The following KCNK13 variants were observed in gnomAD, a reference collection of about 807,000 sequenced individuals.
KCNK13 encodes the protein potassium channel subfamily K member 13.
KCNK13 carries 12 observed loss-of-function variants against 23.4 expected under a neutral mutation model. The observed-to-expected ratio is 0.51, with a 90% CI of 0.33 to 0.83. The LOEUF (loss-of-function observed/expected upper bound fraction) is 0.83. KCNK13 is among the 40% of genes least tolerant of loss of function. KCNK13 has a pLI of 0.02. For synonymous variants in KCNK13, 231 were observed against 229.5 expected, an observed-to-expected ratio of 1.01 and a Z score of -0.06; for missense variants, 463 against 556.3, an observed-to-expected ratio of 0.83 and a Z score of 1.69.
intron 1 of KCNK13, among the ~76,000 whole-genome samples, chr14:90,136,587 T>C (rs1426361607): frequency 2.0e-5 from 3 of 152,094 alleles, no homozygotes; most frequent in Admixed American, 1.3e-4. Flanking sequence ...ATACCCATGA[T>C]AGTTATTATT....
intron 1 of KCNK13, among the ~76,000 whole-genome samples, chr14:90,097,591 A>G (rs1288318939): frequency 6.6e-6 from 1 of 152,108 alleles, no homozygotes. Context: ...ATAGCCAAAC[A>G]ATAGCACCAG....
At chr14:90,128,622 C>T (rs770165460) in intron 1 of KCNK13, among the ~76,000 whole-genome samples, 10 of 152,150 alleles carry the variant, frequency 6.6e-5, no homozygotes, top group Non-Finnish European at 1.5e-4. Flanking sequence ...ATCCTCTGTG[C>T]GTTTCAGCCT....
intron 1 of KCNK13, among the ~76,000 whole-genome samples, chr14:90,137,829 C>T (rs1200915639): frequency 6.6e-6 from 1 of 152,198 alleles, no homozygotes; most frequent in East Asian, 1.9e-4. Flanking sequence ...AAGTTGCTTA[C>T]ACACACGATT....
At chr14:90,139,847 A>G (rs60746529) in intron 1 of KCNK13, among the ~76,000 whole-genome samples, 24,604 of 152,124 alleles carry the variant, frequency 0.16, 2,271 homozygotes, top group South Asian at 0.29. Flanking sequence ...CTGTAGTCCC[A>G]CCTACTCGGG....
chr14:90,137,469 C>A (rs1030923525), intron 1 of KCNK13, among the ~76,000 whole-genome samples: 1 of 152,068 alleles, frequency 6.6e-6, no homozygotes, highest in East Asian at 1.9e-4. Context: ...TACAGGCGCC[C>A]GCCAACACGG....
chr14:90,175,451 G>A (rs1439968908), intron 1 of KCNK13, among the ~76,000 whole-genome samples: 4 of 152,294 alleles, frequency 2.6e-5, no homozygotes, highest in African/African-American at 9.6e-5. Context: ...ATTGGAGGCT[G>A]TTCCTTAAAA....
chr14:90,066,326 A>T (rs1889008830), intron 1 of KCNK13, among the ~76,000 whole-genome samples: 1 of 150,982 alleles, frequency 6.6e-6, no homozygotes, highest in African/African-American at 2.4e-5. Context: ...GTGCAGTGGC[A>T]TGAGCTTGGT....
At chr14:90,064,586 T>C (rs991423381) in intron 1 of KCNK13, among the ~76,000 whole-genome samples, 12 of 152,200 alleles carry the variant, frequency 7.9e-5, no homozygotes, top group African/African-American at 2.9e-4. Flanking sequence ...TTTTCTCATC[T>C]GAGGCATCTA....
Position 90,164,614 on chromosome 14 carries a change from A to G in KCNK13, c.335-19497A>G, listed in dbSNP as rs141558987. Among the ~76,000 whole-genome samples, 1,002 of 152,358 alleles carry G rather than the reference A, an allele frequency of 6.6e-3. 12 individuals carry two copies. Among genetic ancestry groups the G allele is most frequent in the Admixed American group, 0.041 (632 of 15,300 alleles). On this transcript the variant is annotated intron_variant, in intron 1 of 1. Transcript: ENST00000282146. ...TTTCTTGGAGTTTGTAGGTTAATGC[A>G]GTATACCTAGTGGTTCAGTAGTACC...
At chr14:90,127,607 G>C (rs1448620638) in intron 1 of KCNK13, among the ~76,000 whole-genome samples, 2 of 149,382 alleles carry the variant, frequency 1.3e-5, no homozygotes, top group South Asian at 4.2e-4. Flanking sequence ...GAATCCAGGA[G>C]TTTGAGACCA....
chr14:90,085,814 A>G (rs9743747), intron 1 of KCNK13, among the ~76,000 whole-genome samples: 1 of 18,032 alleles, frequency 5.5e-5, no homozygotes, highest in Non-Finnish European at 9.5e-5. Flanking sequence ...ATATTATATT[A>G]TATATTATAT....
chr14:90,105,540 C>T (rs1366436209), intron 1 of KCNK13, among the ~76,000 whole-genome samples: 26 of 152,158 alleles, frequency 1.7e-4, no homozygotes, highest in Non-Finnish European at 3.8e-4. Flanking sequence ...GTACCACCAA[C>T]CCTGTGGCCC....
intron 1 of KCNK13, among the ~76,000 whole-genome samples, chr14:90,181,594 G>A (rs565160318): frequency 2.6e-5 from 4 of 152,316 alleles, no homozygotes; most frequent in African/African-American, 9.6e-5. Context: ...GCCCAGACAT[G>A]TAGTGAGGGC....
At chr14:90,074,903 C>T (rs1889117420) in intron 1 of KCNK13, among the ~76,000 whole-genome samples, 1 of 152,136 alleles carries the variant, frequency 6.6e-6, no homozygotes, top group Non-Finnish European at 1.5e-5. Flanking sequence ...ATGCTAATAC[C>T]TATTTTTAAA....
rs192923832 is a variant in KCNK13, at chr14:90,084,417, C to T, written c.334+21878C>T. Among the ~76,000 whole-genome samples the T allele has an allele frequency of 3.7e-3, 568 of 152,112 alleles. 6 individuals are homozygous for T. The highest frequency in any genetic ancestry group is 0.013 in the African/African-American group (534 of 41,504). On this transcript the variant is annotated intron_variant, in intron 1 of 1. Coordinates refer to ENST00000282146, the MANE Select transcript of KCNK13 (RefSeq NM_022054.4). ...ATCCTATTGCAAATGAAATGGTTTTCTTGATTTTATTTTGAATTGTTTATT... is the reference window on the plus strand; with the variant it reads ...ATCCTATTGCAAATGAAATGGTTTTTTTGATTTTATTTTGAATTGTTTATT...
chr14:90,164,748 G>A (rs1890284521), intron 1 of KCNK13, among the ~76,000 whole-genome samples: 1 of 152,052 alleles, frequency 6.6e-6, no homozygotes, highest in South Asian at 2.1e-4. Flanking sequence ...TGTATCCCTG[G>A]GCCATGCTTT....
rs755045774 is a variant in KCNK13, at chr14:90,184,631, G to A, written c.855G>A (p.Gln285=). ...ATGTCATCTCTATCCTCATCAAACA[G>A]TCCTTGAACTGGATCCTGAGGAAAA... The part of the protein sequence containing the change: ...LFNVISILIK[Q]SLNWILRKMD... The change falls in exon 2 of 2, where the codon CAG becomes CAA. Residue 285 remains glutamine, a synonymous_variant. Transcript: ENST00000282146. This position sits in a 1 kb window ranked among gnomAD's most constrained non-coding sequence, Gnocchi z 5.6. The A allele has an allele frequency of 3.4e-5, 55 of 1,614,120 alleles. No homozygotes were observed. In the East Asian group the frequency reaches 1.2e-3, roughly 35 times the overall value.
chr14:90,098,095 T>A (rs1182885415), intron 1 of KCNK13, among the ~76,000 whole-genome samples: 1 of 152,152 alleles, frequency 6.6e-6, no homozygotes, highest in Non-Finnish European at 1.5e-5. Context: ...CATGTGTCTG[T>A]CTATATGCTC....
intron 1 of KCNK13, among the ~76,000 whole-genome samples, chr14:90,078,702 G>C (rs1889172283): frequency 6.6e-6 from 1 of 152,096 alleles, no homozygotes; most frequent in Non-Finnish European, 1.5e-5. Context: ...TTGATTTCAT[G>C]GGCTAATGGG....
Sources: gnomAD v4.1 joint callset for allele counts (sites outside exome capture counted in the v4.1 genomes callset) on GRCh38, gnomAD v4.1.1 for gene constraint, Gnocchi (gnomAD v3.1) non-coding constraint, MANE v1.5 for transcripts, NCBI Gene and HGNC (gene_info 2026-07-23, HGNC 2026-07-21) for gene names.